FRMD4B: variants seen among roughly 807,000 people sequenced by gnomAD.
FRMD4B encodes FERM domain containing 4B, also known as FERM domain-containing protein 4B.
FRMD4B carries 74 observed loss-of-function variants against 141.5 expected under a neutral mutation model. The ratio of observed to expected loss-of-function variants is 0.52; its 90% CI spans 0.43 to 0.63. The LOEUF (loss-of-function observed/expected upper bound fraction) is 0.63, where lower values mean the gene tolerates loss of function less well. FRMD4B is among the 30% of genes least tolerant of loss of function. FRMD4B has a pLI of 0.00. For missense variants in FRMD4B, 1,366 were observed against 1,253.4 expected (o/e 1.09, Z -1.36); for synonymous variants, 506 against 467.9 (o/e 1.08, Z -1.05).
chr3:69,358,579 C>T (rs888690231), intron 1 of FRMD4B, among the ~76,000 whole-genome samples: 8 of 151,924 alleles, frequency 5.3e-5, no homozygotes, highest in Non-Finnish European at 1.2e-4. Flanking sequence ...CTACAAAATA[C>T]ACAAAAATTA....
At chr3:69,523,120 GA>G (rs111583020) in intron 1 of FRMD4B, among the ~76,000 whole-genome samples, 32,171 of 127,860 alleles carry the variant, frequency 0.25, 3,608 homozygotes, top group African/African-American at 0.3. Context: ...AATAACAAGT[GA>G]AAAAAAAAAA....
At chr3:69,298,703 G>A (rs1701113045) in intron 4 of FRMD4B, among the ~76,000 whole-genome samples, 1 of 152,080 alleles carries the variant, frequency 6.6e-6, no homozygotes, top group South Asian at 2.1e-4. Context: ...CTGGGTCCTG[G>A]GTCCTTGTCT....
At chr3:69,542,190 G>C (rs1204538146) in intron 1 of FRMD4B, 3 of 152,078 alleles carry the variant, frequency 2.0e-5, no homozygotes, top group Non-Finnish European at 4.4e-5. Flanking sequence ...GGAGCCCGGG[G>C]CGGTCGCCCA....
rs368704972 is a variant in FRMD4B, at chr3:69,404,622, G to T, written c.-1+28012C>A. On this transcript the variant is annotated intron_variant, in intron 2 of 5. Transcript: ENST00000459638. ...TGATGGGTTAGGTTCAGACTCTGAA[G>T]TATCCAGAGGTCAATAATCCAGGCA... is the stretch of plus-strand genomic sequence containing the variant. 2.0e-5 allele frequency among the ~76,000 whole-genome samples: 3 copies of T among 152,176 alleles called. No homozygotes were observed. In the East Asian group the frequency reaches 5.8e-4, roughly 29 times the overall value.
Position 69,324,489 on chromosome 3 carries a change from T to C in FRMD4B, c.163-10972A>G, listed in dbSNP as rs551820131. Among the ~76,000 whole-genome samples, 79 of 152,140 alleles carry C rather than the reference T, an allele frequency of 5.2e-4. 1 individual carries two copies. Among genetic ancestry groups the C allele is most frequent in the Middle Eastern group, 6.8e-3 (2 of 294 alleles). On this transcript the variant is annotated intron_variant, in intron 1 of 22. Coordinates refer to ENST00000398540, the MANE Select transcript of FRMD4B (RefSeq NM_015123.3). ...TTGGTATTTGCAGCCAGATAACTCATTATTGCGGAGCATAGTCCTGGGCAC... is the reference window on the plus strand; with the variant it reads ...TTGGTATTTGCAGCCAGATAACTCACTATTGCGGAGCATAGTCCTGGGCAC...
intron 1 of FRMD4B, among the ~76,000 whole-genome samples, chr3:69,478,681 G>T (rs920334130): frequency 2.0e-5 from 3 of 152,176 alleles, no homozygotes; most frequent in African/African-American, 7.2e-5. Flanking sequence ...TGTATATTCT[G>T]TTGATTTGGG....
At chr3:69,370,889 C>G (rs1310546696) in intron 1 of FRMD4B, among the ~76,000 whole-genome samples, 1 of 152,182 alleles carries the variant, frequency 6.6e-6, no homozygotes, top group Non-Finnish European at 1.5e-5. Flanking sequence ...AAAGTAGATT[C>G]ATTTGTTCAT....
chr3:69,538,405 C>T (rs1701115869), intron 1 of FRMD4B, among the ~76,000 whole-genome samples: 1 of 152,142 alleles, frequency 6.6e-6, no homozygotes, highest in African/African-American at 2.4e-5. Context: ...ACACATGCAT[C>T]CTGTGGCAGT....
rs573023269 is a variant in FRMD4B at position 69,482,615 on chromosome 3, G to A, written c.-128-49854C>T. ...TCATGTGAACACTTCAACCAGTGGA[G>A]ATTTTTCTAGAAGCTTACTGATGCC... is the stretch of plus-strand genomic sequence containing the variant. On this transcript the variant is annotated intron_variant, in intron 1 of 5. Coordinates refer to the FRMD4B transcript ENST00000459638. Among the ~76,000 whole-genome samples the A allele has an allele frequency of 3.9e-5, 6 of 152,340 alleles. No homozygotes were observed. In the South Asian group the frequency reaches 1.2e-3, roughly 32 times the overall value.
intron 1 of FRMD4B, among the ~76,000 whole-genome samples, chr3:69,369,624 T>C (rs573795552): frequency 2.6e-5 from 4 of 152,236 alleles, no homozygotes; most frequent in Non-Finnish European, 5.9e-5. Flanking sequence ...AAAATCTCAT[T>C]CCCAAAAAGA....
At chr3:69,440,427 C>T (rs1411859997) in intron 1 of FRMD4B, among the ~76,000 whole-genome samples, 1 of 152,214 alleles carries the variant, frequency 6.6e-6, no homozygotes, top group African/African-American at 2.4e-5. Flanking sequence ...TTACCCTTCA[C>T]CAGTAATACT....
chr3:69,179,166 G>T (rs988228337), intron 21 of FRMD4B, among the ~76,000 whole-genome samples: 20 of 152,188 alleles, frequency 1.3e-4, no homozygotes, highest in Admixed American at 1.2e-3. Flanking sequence ...CTTTTGGTCT[G>T]TGGGGCCACA....
chr3:69,362,098 A>T (rs1241280420), intron 1 of FRMD4B, among the ~76,000 whole-genome samples: 2 of 152,216 alleles, frequency 1.3e-5, no homozygotes, highest in African/African-American at 4.8e-5. Flanking sequence ...TTGCACAGGT[A>T]TAGGTTTAGG....
rs185560681 is a variant in FRMD4B, at chr3:69,458,254, T to A, written c.-128-25493A>T. Among the ~76,000 whole-genome samples, 54 of 152,354 alleles carry A rather than the reference T, an allele frequency of 3.5e-4. No homozygotes were observed. In the East Asian group the frequency reaches 8.1e-3, roughly 23 times the overall value. On this transcript the variant is annotated intron_variant, in intron 1 of 5. Coordinates refer to the FRMD4B transcript ENST00000459638. ...GATACATGTGCTCATTATATGACTATTGACTAGATTTTTACATTGGGTCAT... is the reference window on the plus strand; with the variant it reads ...GATACATGTGCTCATTATATGACTAATGACTAGATTTTTACATTGGGTCAT...
intron 1 of FRMD4B, among the ~76,000 whole-genome samples, chr3:69,467,709 T>C (rs371993365): frequency 5.9e-5 from 9 of 152,188 alleles, no homozygotes; most frequent in African/African-American, 1.9e-4. Flanking sequence ...TCCTAGTATA[T>C]ACCTCCCAAC....
chr3:69,220,762 G>A (rs1350162690), intron 9 of FRMD4B, among the ~76,000 whole-genome samples: 3 of 152,112 alleles, frequency 2.0e-5, no homozygotes, highest in Non-Finnish European at 2.9e-5. Context: ...CCTGAGGCAC[G>A]AAAATCGCTT....
intron 7 of FRMD4B, among the ~76,000 whole-genome samples, chr3:69,226,167 T>C (rs561130467): frequency 6.6e-6 from 1 of 152,308 alleles, no homozygotes; most frequent in South Asian, 2.1e-4. Context: ...AGGTGAAAGA[T>C]CTAGCTTTCC....
intron 1 of FRMD4B, among the ~76,000 whole-genome samples, chr3:69,541,790 C>CCCAA (rs1701188375): frequency 9.9e-6 from 1 of 101,066 alleles, no homozygotes; most frequent in South Asian, 2.9e-4. Context: ...CCAGGGATTT[C>CCCAA]CCCCCCCTCT....
chr3:69,250,796 G>A (rs1208516222), intron 5 of FRMD4B, among the ~76,000 whole-genome samples: 1 of 147,080 alleles, frequency 6.8e-6, no homozygotes, highest in Admixed American at 6.9e-5. Flanking sequence ...GGTAAAGAAT[G>A]CTTTTTCAGG....
Sources: gnomAD v4.1 joint callset for allele counts (sites outside exome capture counted in the v4.1 genomes callset) on GRCh38, gnomAD v4.1.1 for gene constraint, MANE v1.5 for transcripts, NCBI Gene and HGNC (gene_info 2026-07-23, HGNC 2026-07-21) for gene names.